The following CPXM2 variants were observed in gnomAD, a reference collection of about 807,000 sequenced individuals.
CPXM2 encodes carboxypeptidase X, M14 family member 2, also known as inactive carboxypeptidase-like protein X2.
CPXM2 carries 66 observed loss-of-function variants against 86.1 expected under a neutral mutation model. The observed-to-expected ratio is 0.77, with a 90% confidence interval of 0.63 to 0.94. The LOEUF (loss-of-function observed/expected upper bound fraction) is 0.94, where lower values mean the gene tolerates loss of function less well. CPXM2 is among the 40% of genes least tolerant of loss of function. The pLI is 0.00. For missense variants in CPXM2, 948 were observed against 1,026.3 expected (o/e 0.92, Z 1.04); for synonymous variants, 388 against 400.2 (o/e 0.97, Z 0.36).
chr10:123,938,245 G>A (rs1945741459), intron 2 of CPXM2, among the ~76,000 whole-genome samples: 1 of 152,160 alleles, frequency 6.6e-6, no homozygotes, highest in Non-Finnish European at 1.5e-5. Flanking sequence ...TGACAATTCT[G>A]ACAAGCTCCT....
At chr10:123,798,251 A>AAT in intron 5 of CPXM2, 125 bp from the exon 6 acceptor site, 31 of 732,028 alleles carry the variant, frequency 4.2e-5, no homozygotes, top group Admixed American at 1.2e-4. Flanking sequence ...GTGCATTGAA[A>AAT]AGAAAAAAAA....
At chr10:123,829,593 T>A (rs1848122558) in intron 4 of CPXM2, among the ~76,000 whole-genome samples, 1 of 152,098 alleles carries the variant, frequency 6.6e-6, no homozygotes, top group African/African-American at 2.4e-5. Flanking sequence ...ATGCCAATTC[T>A]CCCTCAGTCC....
intron 2 of CPXM2, among the ~76,000 whole-genome samples, chr10:123,903,912 G>A (rs1490560478): frequency 1.3e-5 from 2 of 152,182 alleles, no homozygotes; most frequent in East Asian, 1.9e-4. Context: ...AGACTCTGGC[G>A]TGGGTTTGCC....
In CPXM2 at chr10:123,891,802, G is replaced by A. The variant is rs1025419022; in HGVS notation, c.-143C>T. 8.0e-6 allele frequency: 3 copies of A among 375,238 alleles called. No individual in the cohort carries two copies. The highest frequency in any genetic ancestry group is 1.2e-5 in the Non-Finnish European group (3 of 253,656). 23.2% of individuals were successfully genotyped at this position (375,238 alleles called of 1,614,324 possible). ...GCGCGGGAGGCGGCCGGCTGGCTGC[G>A]CGTGTGACCGGCCCGCGGGGCTGGG... On this transcript the variant is annotated 5_prime_UTR_variant, in exon 1 of 14. Coordinates refer to ENST00000241305, the MANE Select transcript of CPXM2 (RefSeq NM_198148.3). The surrounding 1 kb of genome is among the most constrained non-coding windows in gnomAD (Gnocchi z 5.6).
intron 11 of CPXM2, among the ~76,000 whole-genome samples, chr10:123,761,485 G>C (rs776523805): frequency 1.3e-5 from 2 of 152,126 alleles, no homozygotes; most frequent in African/African-American, 2.4e-5. Context: ...CCCTTCACTG[G>C]GTTGGGGTTT....
At chr10:123,859,079 C>G (rs1365296993) in intron 3 of CPXM2, among the ~76,000 whole-genome samples, 1 of 152,184 alleles carries the variant, frequency 6.6e-6, no homozygotes, top group Non-Finnish European at 1.5e-5. Context: ...CCAGCCTGGA[C>G]CACAGCCACA....
chr10:123,922,619 T>C (rs1010373889), intron 2 of CPXM2, among the ~76,000 whole-genome samples: 8 of 152,208 alleles, frequency 5.3e-5, no homozygotes, highest in African/African-American at 1.7e-4. Context: ...TTACTGTATT[T>C]TGTCTCACTG....
chr10:123,803,696 C>G (rs1358541282), intron 4 of CPXM2, among the ~76,000 whole-genome samples: 1 of 152,100 alleles, frequency 6.6e-6, no homozygotes, highest in African/African-American at 2.4e-5. Flanking sequence ...GAGTCTCTCT[C>G]TGTCACTCAG....
At chr10:123,923,448 G>A (rs1945593620) in intron 2 of CPXM2, among the ~76,000 whole-genome samples, 1 of 150,750 alleles carries the variant, frequency 6.6e-6, no homozygotes, top group South Asian at 2.1e-4. Flanking sequence ...GGGCGTGGTG[G>A]CGGGCGCCTG....
upstream of CPXM2, among the ~76,000 whole-genome samples, chr10:123,895,766 CG>C (rs746193103): frequency 6.6e-6 from 1 of 152,140 alleles, no homozygotes; most frequent in East Asian, 1.9e-4. Flanking sequence ...ACACACCAGT[CG>C]GGGGTAGTAA....
rs377065373 is a variant in CPXM2 at position 123,756,293 on chromosome 10, T to C, written c.1917+920A>G. Among the ~76,000 whole-genome samples the C allele has an allele frequency of 3.0e-4, 46 of 152,348 alleles. 1 individual carries two copies. In the South Asian group the frequency reaches 5.0e-3, roughly 16 times the overall value. ...TGACACTTGTTTCTGTTTAATCCAT[T>C]ACTTTCCAGGTAGTCTGTTCCTTAG... On this transcript the variant is annotated intron_variant, in intron 12 of 13. Coordinates refer to ENST00000241305, the MANE Select transcript of CPXM2 (RefSeq NM_198148.3).
At chr10:123,860,587 G>T (rs183499445) in intron 3 of CPXM2, among the ~76,000 whole-genome samples, 2 of 152,186 alleles carry the variant, frequency 1.3e-5, no homozygotes, top group Admixed American at 1.3e-4. Flanking sequence ...CTTTTTCAAA[G>T]GATAATTTCA....
chr10:123,920,271 T>C (rs552169322), intron 2 of CPXM2, among the ~76,000 whole-genome samples: 1 of 152,324 alleles, frequency 6.6e-6, no homozygotes, highest in East Asian at 1.9e-4. Flanking sequence ...ATAATTCCTA[T>C]ATCTAGCAAA....
At chr10:123,790,078 A>G (rs1171561103) in intron 6 of CPXM2, among the ~76,000 whole-genome samples, 1 of 152,040 alleles carries the variant, frequency 6.6e-6, no homozygotes, top group Non-Finnish European at 1.5e-5. Context: ...AGATCGCACC[A>G]CTGCACTCCA....
At chr10:123,924,193 A>G (rs1259961406) in intron 2 of CPXM2, among the ~76,000 whole-genome samples, 1 of 152,224 alleles carries the variant, frequency 6.6e-6, no homozygotes, top group Non-Finnish European at 1.5e-5. Flanking sequence ...GTGTTCTACT[A>G]TGCAGTTAGG....
chr10:123,747,022 G>A lies in CPXM2; in HGVS notation c.2018-5C>T. ...GCCAGTAATCCCCATCGTTGGCTGT[G>A]AAAAAGAAAACCAGGGGAGACTCAG... is the stretch of plus-strand genomic sequence containing the variant. On this transcript the variant is annotated splice_region_variant and splice_polypyrimidine_tract_variant and intron_variant, in intron 13 of 13. Coordinates refer to ENST00000241305, the MANE Select transcript of CPXM2 (RefSeq NM_198148.3). 1 of 1,612,398 alleles carries A rather than the reference G, an allele frequency of 6.2e-7. No individual in the cohort carries two copies. The highest frequency in any genetic ancestry group is 8.5e-7 in the Non-Finnish European group (1 of 1,179,448).
rs1330947575 is a variant in CPXM2, at chr10:123,789,101, CAAAG to C, written c.890-8850_890-8847del. On this transcript the variant is annotated intron_variant, in intron 6 of 13. Coordinates refer to ENST00000241305, the MANE Select transcript of CPXM2 (RefSeq NM_198148.3). ...TGAGCTGAGCACGAAACCCCTCCCA[CAAAG>C]AGCTGGCTGTCTGAGGCAGTCACCT... is the stretch of plus-strand genomic sequence containing the variant. Among the ~76,000 whole-genome samples the C allele has an allele frequency of 3.9e-5, 6 of 152,280 alleles. 1 individual carries two copies. The East Asian group carries it at 9.7e-4, about 24-fold the overall frequency.
chr10:123,919,367 A>G (rs942434831), intron 2 of CPXM2, among the ~76,000 whole-genome samples: 1 of 152,248 alleles, frequency 6.6e-6, no homozygotes, highest in African/African-American at 2.4e-5. Flanking sequence ...AATATTCAAA[A>G]ATATCCAGGA....
chr10:123,838,719 C>A (rs1848324748), intron 4 of CPXM2, among the ~76,000 whole-genome samples: 1 of 152,128 alleles, frequency 6.6e-6, no homozygotes, highest in Non-Finnish European at 1.5e-5. Context: ...AAAACTCAAA[C>A]TCTAATTCCA....
Sources: gnomAD v4.1 joint callset for allele counts (sites outside exome capture counted in the v4.1 genomes callset) on GRCh38, gnomAD v4.1.1 for gene constraint, Gnocchi (gnomAD v3.1) non-coding constraint, MANE v1.5 for transcripts, NCBI Gene and HGNC (gene_info 2026-07-23, HGNC 2026-07-21) for gene names.